The following C12orf56 variants were observed in gnomAD, a reference collection of about 807,000 sequenced individuals.
The protein encoded by C12orf56 is uncharacterized protein C12orf56.
A neutral mutation model predicts 69.9 loss-of-function variants in C12orf56; 71 were observed. The observed-to-expected ratio is 1.02, with a 90% CI of 0.84 to 1.24. C12orf56 has a LOEUF of 1.24. Ranked by LOEUF, C12orf56 falls within the 50% of genes most tolerant of loss-of-function variation. The pLI is 0.00. For missense variants in C12orf56, 732 were observed against 738.5 expected (o/e 0.99, Z 0.10); for synonymous variants, 276 against 274.1 (o/e 1.01, Z -0.07).
chr12:64,329,064 CAA>C (rs1213790208), intron 3 of C12orf56, among the ~76,000 whole-genome samples: 5 of 137,810 alleles, frequency 3.6e-5, no homozygotes, highest in Admixed American at 1.5e-4. Flanking sequence ...GACTCAGTCT[CAA>C]AAAAAAAAAA....
intron 1 of C12orf56, among the ~76,000 whole-genome samples, chr12:64,365,964 GTATA>G (rs1202535154): frequency 7.8e-6 from 1 of 127,390 alleles, no homozygotes; most frequent in East Asian, 2.2e-4. Context: ...TGTATATAGT[GTATA>G]TAATATATAG....
At chr12:64,314,194 T>C (rs1301569251) in intron 4 of C12orf56, among the ~76,000 whole-genome samples, 3 of 151,896 alleles carry the variant, frequency 2.0e-5, no homozygotes, top group African/African-American at 7.3e-5. Context: ...CAAGCAGTCC[T>C]CCTGCCTCAG....
chr12:64,390,285 G>A (rs745725347), intron 1 of C12orf56, 29 bp downstream of exon 1: 3 of 1,578,804 alleles, frequency 1.9e-6, no homozygotes, highest in South Asian at 2.3e-5. Context: ...CTGCGCTCCC[G>A]AGCCCGCCTG....
intron 5 of C12orf56, among the ~76,000 whole-genome samples, chr12:64,306,729 A>C (rs1237017976): frequency 3.9e-5 from 6 of 152,180 alleles, no homozygotes; most frequent in African/African-American, 1.2e-4. Context: ...TCATCTTTCC[A>C]GACATTTACT....
intron 3 of C12orf56, among the ~76,000 whole-genome samples, chr12:64,324,021 G>T (rs1457557599): frequency 6.6e-6 from 1 of 152,078 alleles, no homozygotes; most frequent in Non-Finnish European, 1.5e-5. Flanking sequence ...CTGCTACAAG[G>T]CAGAGCCCTC....
rs748434656 is a variant in C12orf56, at chr12:64,337,854, CAAAAAA to C, written c.416-6828_416-6823del. ...CCTGGGTAACAGAGCAAAATTCTGTCAAAAAAAAAAAAAAAAAAAACACCAGGACAT... is the reference window on the plus strand; with the variant it reads ...CCTGGGTAACAGAGCAAAATTCTGTCAAAAAAAAAAAAAACACCAGGACAT... On this transcript the variant is annotated intron_variant, in intron 2 of 12. Coordinates refer to ENST00000543942, the MANE Select transcript of C12orf56 (RefSeq NM_001170633.2). Among the ~76,000 whole-genome samples the C allele has an allele frequency of 1.3e-4, 12 of 90,742 alleles. No individual in the cohort carries two copies. The South Asian group carries it at 4.5e-3, about 34-fold the overall frequency. The allele number at this position is 90,742 out of a possible 152,430, so 59.5% of individuals were successfully genotyped here. A position where few individuals can be genotyped will look rare whatever the true frequency, so the allele number is the denominator to read the frequency against.
chr12:64,284,355 T>G (rs1468048161), intron 8 of C12orf56, among the ~76,000 whole-genome samples: 1 of 152,258 alleles, frequency 6.6e-6, no homozygotes, highest in East Asian at 1.9e-4. Context: ...TGGGAAATTC[T>G]GGCGGAGATC....
chr12:64,325,455 C>A (rs535717875), intron 3 of C12orf56, among the ~76,000 whole-genome samples: 150 of 152,208 alleles, frequency 9.9e-4, no homozygotes, highest in African/African-American at 3.2e-3. Context: ...CAAGCCCCTA[C>A]AGTCTATTTA....
intron 6 of C12orf56, 69 bp downstream of exon 6, chr12:64,303,566 A>T: frequency 8.2e-7 from 1 of 1,223,172 alleles, no homozygotes; most frequent in Non-Finnish European, 1.1e-6. Context: ...TTTATATTTT[A>T]ATGTATGTTT....
chr12:64,334,407 C>T (rs989283866), intron 2 of C12orf56, among the ~76,000 whole-genome samples: 3 of 152,146 alleles, frequency 2.0e-5, no homozygotes, highest in Admixed American at 2.0e-4. Flanking sequence ...TAGGATCGCC[C>T]TTGGAAACCA....
chr12:64,386,306 C>T (rs2039787978), intron 1 of C12orf56, among the ~76,000 whole-genome samples: 1 of 151,548 alleles, frequency 6.6e-6, no homozygotes, highest in South Asian at 2.1e-4. Context: ...TTCCGCCTCC[C>T]GGGTTCAAGC....
chr12:64,331,028 C>T lies in C12orf56; in HGVS notation c.420G>A (p.Lys140=). 2 of 1,517,248 alleles carry T rather than the reference C, an allele frequency of 1.3e-6. No individual in the cohort carries two copies. The highest frequency in any genetic ancestry group is 2.1e-5 in the Admixed American group (1 of 47,446). 94.0% of individuals were successfully genotyped at this position (1,517,248 alleles called of 1,614,324 possible). Residue 140 remains lysine, a synonymous_variant, in exon 3 of 13, where the codon AAG becomes AAA. Coordinates refer to ENST00000543942, the MANE Select transcript of C12orf56 (RefSeq NM_001170633.2). ...HHTKANNKKV[K]EEKNGLAFWR... is the part of the protein sequence containing the mutation. Reference sequence around the variant, plus strand: ...AAAAGGCAAGGCCGTTCTTTTCTTCCTTGACTTAAAAAAAAAATAGTTATT... The same window carrying T: ...AAAAGGCAAGGCCGTTCTTTTCTTCTTTGACTTAAAAAAAAAATAGTTATT...
Position 64,318,930 on chromosome 12 carries a change from C to T in C12orf56, c.539G>A (p.Arg180His), listed in dbSNP as rs765430751. 4.1e-5 allele frequency: 63 copies of T among 1,535,508 alleles called. No homozygotes were observed. The highest frequency in any genetic ancestry group is 3.7e-4 in the South Asian group (31 of 83,750). Residue 180 changes from arginine to histidine, a missense_variant, in exon 4 of 13, where the codon CGT becomes CAT. By Grantham distance (29) the Arg-to-His change is conservative (BLOSUM62 0). Coordinates refer to ENST00000543942, the MANE Select transcript of C12orf56 (RefSeq NM_001170633.2). ...TPSKDSTLCP[R>H]PGLKKLSLHG... ...AAGGGACAGCTTTTTGAGGCCTGGA[C>T]GAGGACAGAGAGTTGAGTCCTTGGA...
In C12orf56 at chr12:64,367,288, T is replaced by C. The variant is rs1410390266; in HGVS notation, c.253-14232A>G. ...TATACAGTTTATATATTATATATAA[T>C]ATACAGTTTATATATTATATATAAT... On this transcript the variant is annotated intron_variant, in intron 1 of 12. Coordinates refer to ENST00000543942, the MANE Select transcript of C12orf56 (RefSeq NM_001170633.2). 6.4e-4 allele frequency among the ~76,000 whole-genome samples: 84 copies of C among 131,680 alleles called. 2 individuals carry two copies. Among genetic ancestry groups the C allele is most frequent in the African/African-American group, 2.1e-3 (72 of 34,254 alleles). 86.4% of individuals were successfully genotyped at this position (131,680 alleles called of 152,430 possible). A position where few individuals can be genotyped will look rare whatever the true frequency, so the allele number is the denominator to read the frequency against.
chr12:64,360,866 A>G (rs914461455), intron 1 of C12orf56, among the ~76,000 whole-genome samples: 4 of 152,208 alleles, frequency 2.6e-5, no homozygotes, highest in Non-Finnish European at 5.9e-5. Context: ...CCTTTGGTAT[A>G]ACAATATATC....
At chr12:64,384,282 C>T (rs985067568) in intron 1 of C12orf56, among the ~76,000 whole-genome samples, 3 of 152,158 alleles carry the variant, frequency 2.0e-5, no homozygotes, top group Admixed American at 2.0e-4. Flanking sequence ...TCCCCTTCCT[C>T]TTTCCATGCA....
chr12:64,371,640 G>A (rs969113498), intron 1 of C12orf56, among the ~76,000 whole-genome samples: 5 of 151,912 alleles, frequency 3.3e-5, no homozygotes, highest in African/African-American at 7.3e-5. Context: ...AGACCAGCCC[G>A]GCTAACATGG....
chr12:64,312,044 G>A (rs1177461105), intron 5 of C12orf56, among the ~76,000 whole-genome samples: 4 of 152,188 alleles, frequency 2.6e-5, no homozygotes. Context: ...AAATGGTGAA[G>A]GGGAGAGAGG....
chr12:64,359,104 T>A (rs1175387974), intron 1 of C12orf56, among the ~76,000 whole-genome samples: 2 of 152,156 alleles, frequency 1.3e-5, no homozygotes, highest in Non-Finnish European at 2.9e-5. Flanking sequence ...TTTCTAACCT[T>A]CTTTTGATGC....
Sources: allele counts gnomAD v4.1 joint callset (sites outside exome capture counted in the v4.1 genomes callset), GRCh38; gene constraint gnomAD v4.1.1; transcripts MANE v1.5; gene names NCBI Gene and HGNC (gene_info 2026-07-23, HGNC 2026-07-21).